Variants in SCN7A observed in about 807,000 individuals in gnomAD.
The protein encoded by SCN7A is sodium channel protein type 7 subunit alpha.
In SCN7A, 138 loss-of-function variants were observed where a neutral mutation model predicts 155.2. That is an observed-to-expected ratio of 0.89 (90% CI 0.77 to 1.02). SCN7A has a LOEUF of 1.02. Among genes scored for constraint, SCN7A ranks in the 50% least tolerant of loss-of-function variants. The pLI is 0.00. For synonymous variants in SCN7A, 693 were observed against 649.0 expected (o/e 1.07, Z -1.03); for missense variants, 2,058 against 1,986.6 (o/e 1.04, Z -0.68).
intron 10 of SCN7A, among the ~76,000 whole-genome samples, chr2:166,458,757 C>CTA (rs1176985046): frequency 6.6e-6 from 1 of 152,094 alleles, no homozygotes; most frequent in Non-Finnish European, 1.5e-5. Flanking sequence ...GATCAATAGG[C>CTA]TATACTATAT....
In SCN7A at chr2:166,414,004, A is replaced by ATATATATATATATAT. The variant is rs1559087806; in HGVS notation, c.3415-884_3415-883insATATATATATATATA. Among the ~76,000 whole-genome samples the ATATATATATATATAT allele has an allele frequency of 2.0e-3, 92 of 45,756 alleles. 3 individuals are homozygous for ATATATATATATATAT. Among genetic ancestry groups the ATATATATATATATAT allele is most frequent in the East Asian group, 7.0e-3 (17 of 2,416 alleles). 30.0% of individuals were successfully genotyped at this position (45,756 alleles called of 152,430 possible). ...GTGTATATATATATATATATATATA[A>ATATATATATATATAT]ATATACTATATATATGTAAATATAT... On this transcript the variant is annotated intron_variant, in intron 21 of 25. Transcript: ENST00000643258.
At chr2:166,409,636 A>T in intron 25 of SCN7A, 29 bp downstream of exon 25, 1 of 1,391,180 alleles carries the variant, frequency 7.2e-7, no homozygotes, top group Non-Finnish European at 9.5e-7. Flanking sequence ...TATTATTATC[A>T]GTAAAAATTT....
chr2:166,409,991 A>G (rs1701164374), intron 24 of SCN7A, 56 bp from the exon 25 acceptor site: 8 of 1,410,690 alleles, frequency 5.7e-6, no homozygotes, highest in Non-Finnish European at 7.6e-6. Context: ...ATATACATAT[A>G]TATGGTCTTT....
intron 18 of SCN7A, among the ~76,000 whole-genome samples, chr2:166,424,438 C>T (rs1456592424): frequency 6.6e-6 from 1 of 151,994 alleles, no homozygotes; most frequent in Non-Finnish European, 1.5e-5. Flanking sequence ...CACAGAGCTG[C>T]TGTATCAACA....
At chr2:166,410,153 G>A in intron 24 of SCN7A, 67 bp downstream of exon 24, 5 of 1,238,532 alleles carry the variant, frequency 4.0e-6, no homozygotes, top group Non-Finnish European at 5.6e-6. Context: ...CATTTGTTAA[G>A]GCTTTAAAAG....
chr2:166,431,859 C>T (rs1701738112), intron 16 of SCN7A, among the ~76,000 whole-genome samples: 1 of 152,060 alleles, frequency 6.6e-6, no homozygotes, highest in Non-Finnish European at 1.5e-5. Context: ...AATTGTAGCA[C>T]TCTTCTAATT....
chr2:166,472,221 C>A, intron 6 of SCN7A, 96 bp downstream of exon 6: 2 of 1,253,690 alleles, frequency 1.6e-6, no homozygotes, highest in East Asian at 2.8e-5. Flanking sequence ...TGCAGACTAT[C>A]TGCAGGCCAA....
At chr2:166,488,494 T>C (rs888584274) in intron 1 of SCN7A, among the ~76,000 whole-genome samples, 1 of 152,148 alleles carries the variant, frequency 6.6e-6, no homozygotes, top group Non-Finnish European at 1.5e-5. Context: ...TCTAACTCTG[T>C]AGAGACATAA....
chr2:166,406,288 T>C lies in SCN7A; in HGVS notation c.4341A>G (p.Lys1447=), dbSNP rs1485498390. 2 of 1,613,152 alleles carry C rather than the reference T, an allele frequency of 1.2e-6. No homozygotes were observed. Among genetic ancestry groups the C allele is most frequent in the Non-Finnish European group, 8.5e-7 (1 of 1,179,420 alleles). ...DGMLDAIFNS[K]WSDCDPDKIN... is the part of the protein sequence containing the mutation. ...TTTTATCAGGATCACAGTCAGACCA[T>C]TTACTGTTGAAAATTGCATCAAGCA... is the stretch of plus-strand genomic sequence containing the variant. The change falls in exon 26 of 26, where the codon AAA becomes AAG. Residue 1447 remains lysine (K), a synonymous_variant. Transcript: ENST00000643258.
intron 18 of SCN7A, among the ~76,000 whole-genome samples, chr2:166,427,581 T>C (rs184444101): frequency 6.6e-6 from 1 of 152,126 alleles, no homozygotes. Flanking sequence ...AAAATCAATA[T>C]TAAATTTAAT....
intron 2 of SCN7A, among the ~76,000 whole-genome samples, chr2:166,481,056 A>G (rs2105522431): frequency 6.6e-6 from 1 of 152,346 alleles, no homozygotes; most frequent in Middle Eastern, 3.4e-3. Context: ...GCCAATGGAT[A>G]CGACATATCC....
chr2:166,436,500 A>C, intron 15 of SCN7A: 1 of 338,334 alleles, frequency 3.0e-6, no homozygotes, highest in Non-Finnish European at 6.0e-6. Context: ...CCTTGGTTAC[A>C]CCCTTATTAG....
rs146555440 is a variant in SCN7A at position 166,404,518 on chromosome 2, T to C, written c.*1062A>G. The C allele has an allele frequency of 4.1e-4, 63 of 151,944 alleles. No homozygotes were observed. The highest frequency in any genetic ancestry group is 1.3e-3 in the African/African-American group (54 of 41,522). 9.4% of individuals were successfully genotyped at this position (151,944 alleles called of 1,614,324 possible). A position where few individuals can be genotyped will look rare whatever the true frequency, so the allele number is the denominator to read the frequency against. On this transcript the variant is annotated 3_prime_UTR_variant, in exon 26 of 26. Coordinates refer to ENST00000643258, the MANE Select transcript of SCN7A (RefSeq NM_002976.4). ...ATAGTTCTCATAGTTTGAGTGACCATTGTCTCTCTCTAAGTTATAAAGAAT... is the reference window on the plus strand; with the variant it reads ...ATAGTTCTCATAGTTTGAGTGACCACTGTCTCTCTCTAAGTTATAAAGAAT...
At chr2:166,431,776 A>G (rs1701736640) in intron 16 of SCN7A, among the ~76,000 whole-genome samples, 1 of 152,092 alleles carries the variant, frequency 6.6e-6, no homozygotes, top group South Asian at 2.1e-4. Flanking sequence ...CCTTTAGTCC[A>G]ACTTAATTAT....
chr2:166,462,862 A>G (rs1224299113), intron 9 of SCN7A, among the ~76,000 whole-genome samples: 1 of 152,234 alleles, frequency 6.6e-6, no homozygotes, highest in Non-Finnish European at 1.5e-5. Flanking sequence ...AAATATGTAT[A>G]TATTGTGGAA....
In SCN7A at chr2:166,432,723, G is replaced by A. The variant is rs868568410; in HGVS notation, c.2187C>T (p.Ser729=). Residue 729 remains serine, a synonymous_variant, in exon 16 of 26, where the codon AGC becomes AGT. Transcript: ENST00000643258. ...LVLYLFLALV[S]SFSSCKDVTA... is the part of the protein sequence containing the mutation. ...TTACATCCTTGCATGAACTAAATGA[G>A]CTCACCAATGCCAGAAACAGGTAAA... 2 of 1,554,588 alleles carry A rather than the reference G, an allele frequency of 1.3e-6. No homozygotes were observed. The highest frequency in any genetic ancestry group is 2.5e-5 in the South Asian group (2 of 79,968).
intron 11 of SCN7A, among the ~76,000 whole-genome samples, chr2:166,456,010 T>G (rs1200185280): frequency 6.6e-6 from 1 of 152,122 alleles, no homozygotes; most frequent in African/African-American, 2.4e-5. Context: ...TATGCAACCA[T>G]GAAATACTAT....
intron 20 of SCN7A, 117 bp from the exon 21 acceptor site, chr2:166,417,102 G>C (rs903123375): frequency 5.1e-6 from 4 of 789,118 alleles, no homozygotes; most frequent in Non-Finnish European, 5.9e-6. Context: ...ACCTTAAAAG[G>C]CCATATCTAA....
At chr2:166,422,266 T>C (rs1701526932) in intron 19 of SCN7A, among the ~76,000 whole-genome samples, 1 of 152,142 alleles carries the variant, frequency 6.6e-6, no homozygotes, top group African/African-American at 2.4e-5. Flanking sequence ...GAAATTGTTC[T>C]AGGCACATGA....
Sources: gnomAD v4.1 joint callset for allele counts (sites outside exome capture counted in the v4.1 genomes callset) on GRCh38, gnomAD v4.1.1 for gene constraint, MANE v1.5 for transcripts, NCBI Gene and HGNC (gene_info 2026-07-23, HGNC 2026-07-21) for gene names.